The following PDE8B variants were observed in gnomAD, a reference collection of about 807,000 sequenced individuals.
PDE8B encodes high affinity cAMP-specific and IBMX-insensitive 3',5'-cyclic phosphodiesterase 8B.
A neutral mutation model predicts 101.3 loss-of-function variants in PDE8B; 26 were observed. The ratio of observed to expected loss-of-function variants is 0.26; its 90% CI spans 0.19 to 0.36. PDE8B has a LOEUF of 0.36. Ranked by LOEUF, PDE8B falls within the 10% of genes least tolerant of loss-of-function variation. The pLI, the probability that PDE8B is intolerant of heterozygous loss-of-function variation, is 1.00. For synonymous variants in PDE8B, 424 were observed against 429.3 expected (o/e 0.99, Z 0.15); for missense variants, 810 against 1,163.1 (o/e 0.70, Z 4.42).
chr5:77,239,997 G>T (rs1300114334), intron 1 of PDE8B, among the ~76,000 whole-genome samples: 3 of 151,784 alleles, frequency 2.0e-5, no homozygotes, highest in African/African-American at 7.3e-5. Context: ...AAGTTTAAGT[G>T]TTTTGCTTCC....
At chr5:77,389,435 G>A (rs1049397824) in intron 10 of PDE8B, among the ~76,000 whole-genome samples, 6 of 152,108 alleles carry the variant, frequency 3.9e-5, no homozygotes, top group African/African-American at 1.4e-4. Flanking sequence ...ATGAACCCCG[G>A]GTACCTCAGT....
intron 1 of PDE8B, among the ~76,000 whole-genome samples, chr5:77,245,862 A>T (rs79347752): frequency 3.0e-4 from 3 of 10,044 alleles, no homozygotes; most frequent in African/African-American, 3.5e-4. Context: ...CCCCCCCCCC[A>T]ACTTTTTGAG....
At chr5:77,147,473 A>C in the PDE8B span, 1 of 152,128 alleles carries the variant, frequency 6.6e-6, no homozygotes, top group Non-Finnish European at 1.5e-5. Flanking sequence ...TAGATTTTTT[A>C]TTTTCACTTG....
intron 2 of PDE8B, among the ~76,000 whole-genome samples, chr5:77,317,464 G>A (rs1366237714): frequency 6.6e-6 from 1 of 152,138 alleles, no homozygotes; most frequent in African/African-American, 2.4e-5. Flanking sequence ...CTCCCATAGG[G>A]CTCCACACAC....
intron 1 of PDE8B, among the ~76,000 whole-genome samples, chr5:77,265,057 A>T (rs1222857924): frequency 6.6e-6 from 1 of 152,166 alleles, no homozygotes; most frequent in African/African-American, 2.4e-5. Flanking sequence ...TTACACTGTT[A>T]TTGACACACT....
chr5:77,156,505 A>T, the PDE8B span, among the ~76,000 whole-genome samples: 3 of 152,194 alleles, frequency 2.0e-5, no homozygotes, highest in African/African-American at 7.2e-5. Context: ...TTAAGTGCCT[A>T]TTACGTACTG....
the PDE8B span, among the ~76,000 whole-genome samples, chr5:77,182,845 A>G: frequency 6.6e-6 from 1 of 150,726 alleles, no homozygotes; most frequent in Non-Finnish European, 1.5e-5. Context: ...TATATTATGT[A>G]TTTGCTTTTT....
intron 7 of PDE8B, among the ~76,000 whole-genome samples, chr5:77,345,806 A>C (rs1445104334): frequency 1.3e-5 from 2 of 152,306 alleles, no homozygotes; most frequent in South Asian, 4.1e-4. Flanking sequence ...GAGTGTGAGG[A>C]GCACTTATCA....
intron 1 of PDE8B, among the ~76,000 whole-genome samples, chr5:77,282,656 C>A (rs1024600058): frequency 1.3e-5 from 2 of 152,022 alleles, no homozygotes; most frequent in East Asian, 3.9e-4. Flanking sequence ...ACTCCTGCAG[C>A]AGCTGGAGGT....
chr5:77,349,636 C>G, intron 8 of PDE8B, 77 bp downstream of exon 8: 1 of 1,483,820 alleles, frequency 6.7e-7, no homozygotes, highest in Non-Finnish European at 9.4e-7. Context: ...GAATTTCATC[C>G]TTAAGATTAG....
chr5:77,332,287 T>C (rs1313523216), intron 5 of PDE8B, among the ~76,000 whole-genome samples: 1 of 152,204 alleles, frequency 6.6e-6, no homozygotes. Flanking sequence ...ATATATATAT[T>C]ACTCCTATGT....
rs558099723 is a variant in PDE8B, at chr5:77,290,979, C to T, written c.340-21015C>T. Reference sequence around the variant, plus strand: ...CGGCACAGCAATGGCCAAAGATGAACGAGTGAACCTGCTGTCCTTCACCGG... The same window carrying T: ...CGGCACAGCAATGGCCAAAGATGAATGAGTGAACCTGCTGTCCTTCACCGG... On this transcript the variant is annotated intron_variant, in intron 1 of 21. Coordinates refer to ENST00000264917, the MANE Select transcript of PDE8B (RefSeq NM_003719.5). The T allele has an allele frequency of 1.8e-5, 29 of 1,611,750 alleles. No individual in the cohort carries two copies. In the African/African-American group the frequency reaches 1.9e-4, roughly 10 times the overall value.
chr5:77,394,030 G>A lies in PDE8B; in HGVS notation c.1168-6218G>A, dbSNP rs1475854253. On this transcript the variant is annotated intron_variant, in intron 10 of 21. Coordinates refer to ENST00000264917, the MANE Select transcript of PDE8B (RefSeq NM_003719.5). ...TAACCAGTGTTTCCAATTGTGTCCT[G>A]TTACAAAACAAAACAGATTCTTACT... Among the ~76,000 whole-genome samples the A allele has an allele frequency of 5.3e-5, 8 of 152,112 alleles. No homozygotes were observed. The East Asian group carries it at 1.5e-3, about 29-fold the overall frequency.
intron 20 of PDE8B, among the ~76,000 whole-genome samples, chr5:77,424,165 A>G (rs1274269205): frequency 6.6e-6 from 1 of 152,106 alleles, no homozygotes; most frequent in African/African-American, 2.4e-5. Context: ...TGATCGACTG[A>G]CCTGAAATGA....
At chr5:77,356,072 AT>A in intron 10 of PDE8B, among the ~76,000 whole-genome samples, 1 of 152,312 alleles carries the variant, frequency 6.6e-6, no homozygotes, top group East Asian at 1.9e-4. Context: ...TGCTGACTTC[AT>A]TTCTTGAAGA....
chr5:77,364,641 A>G (rs1484001997), intron 10 of PDE8B, among the ~76,000 whole-genome samples: 1 of 152,138 alleles, frequency 6.6e-6, no homozygotes, highest in Non-Finnish European at 1.5e-5. Context: ...CAGAATCACC[A>G]TGTAAGGAGT....
the PDE8B span, chr5:77,088,366 G>T: frequency 6.6e-6 from 1 of 152,146 alleles, no homozygotes; most frequent in South Asian, 2.1e-4. Flanking sequence ...CAGCTCAATA[G>T]ACCCTCTGCC....
the PDE8B span, among the ~76,000 whole-genome samples, chr5:77,201,207 T>C: frequency 6.6e-6 from 1 of 152,190 alleles, no homozygotes. Flanking sequence ...CTAGCATCAC[T>C]GCGTAGGCCT....
intron 10 of PDE8B, among the ~76,000 whole-genome samples, chr5:77,397,026 A>ATTTTTT (rs71606290): frequency 0.018 from 1,503 of 84,364 alleles, 228 homozygotes; most frequent in African/African-American, 0.07. Flanking sequence ...CCGATAAGAA[A>ATTTTTT]TTTTTTTTTT....
Sources: allele counts gnomAD v4.1 joint callset (sites outside exome capture counted in the v4.1 genomes callset), GRCh38; gene constraint gnomAD v4.1.1; transcripts MANE v1.5; gene names NCBI Gene and HGNC (gene_info 2026-07-23, HGNC 2026-07-21).